The following DLG2 variants were observed in gnomAD, a reference collection of about 807,000 sequenced individuals.
The protein encoded by DLG2 is discs large MAGUK scaffold protein 2.
In DLG2, 45 loss-of-function variants were observed where a neutral mutation model predicts 132.5. The observed-to-expected ratio is 0.34, with a 90% CI of 0.27 to 0.44. DLG2 has a LOEUF of 0.44. DLG2 is among the 20% of genes least tolerant of loss of function. DLG2 has a pLI of 1.00. For synonymous variants in DLG2, 424 were observed against 419.6 expected (o/e 1.01, Z -0.13); for missense variants, 1,045 against 1,196.9 (o/e 0.87, Z 1.87).
intron 6 of DLG2, among the ~76,000 whole-genome samples, chr11:84,671,233 T>C (rs2099705581): frequency 6.6e-6 from 1 of 151,926 alleles, no homozygotes; most frequent in African/African-American, 2.4e-5. Flanking sequence ...TGAGTAGCTG[T>C]GACTATAGGT....
At chr11:84,562,253 C>A (rs962780654) in intron 6 of DLG2, among the ~76,000 whole-genome samples, 3 of 152,068 alleles carry the variant, frequency 2.0e-5, no homozygotes, top group African/African-American at 7.2e-5. Context: ...TACTAACTCC[C>A]AGGATAAAGG....
chr11:85,574,437 AAAATGACTCCTCC>A (rs2078034095), intron 3 of DLG2, among the ~76,000 whole-genome samples: 1 of 152,092 alleles, frequency 6.6e-6, no homozygotes, highest in East Asian at 1.9e-4. Context: ...AAAAAAAAAA[AAAATGACTCCTCC>A]TTGACTCTTC....
intron 6 of DLG2, among the ~76,000 whole-genome samples, chr11:85,038,083 C>A (rs1242207748): frequency 6.6e-6 from 1 of 151,920 alleles, no homozygotes; most frequent in Non-Finnish European, 1.5e-5. Context: ...GTAGAGCCTG[C>A]ATATGAATGA....
chr11:85,295,073 T>A (rs2079134859), intron 3 of DLG2, among the ~76,000 whole-genome samples: 1 of 152,160 alleles, frequency 6.6e-6, no homozygotes, highest in African/African-American at 2.4e-5. Context: ...TATCTTACAC[T>A]TATAGCACTT....
At chr11:85,482,065 C>T (rs2093308377) in intron 3 of DLG2, among the ~76,000 whole-genome samples, 1 of 152,126 alleles carries the variant, frequency 6.6e-6, no homozygotes, top group South Asian at 2.1e-4. Context: ...AATCAGGCTC[C>T]AGACCAACCC....
At position 84,154,620 on chromosome 11, in the gene DLG2, G is replaced by A. The variant is rs952537121; in HGVS notation, c.624+8841C>T. Among the ~76,000 whole-genome samples the A allele has an allele frequency of 1.3e-5, 2 of 152,056 alleles. 1 individual carries two copies. The highest frequency in any genetic ancestry group is 4.8e-5 in the African/African-American group (2 of 41,396). ...ACCAGTAACTCGTCATTTACATTAG[G>A]TATATCTCCTAATGCTATCCCTCCC... On this transcript the variant is annotated intron_variant, in intron 9 of 27. Transcript: ENST00000376104.
intron 7 of DLG2, among the ~76,000 whole-genome samples, chr11:84,369,774 G>C (rs577846106): frequency 1.3e-5 from 2 of 152,024 alleles, no homozygotes; most frequent in Non-Finnish European, 2.9e-5. Flanking sequence ...GGTCAGATAC[G>C]CTAACAGGGA....
chr11:84,826,353 C>T (rs1221080505), intron 6 of DLG2, among the ~76,000 whole-genome samples: 1 of 151,816 alleles, frequency 6.6e-6, no homozygotes, highest in East Asian at 2.0e-4. Context: ...CTTCCACTAA[C>T]TTGCTTAAAT....
At chr11:84,630,957 T>A (rs2099630528) in intron 6 of DLG2, among the ~76,000 whole-genome samples, 1 of 151,176 alleles carries the variant, frequency 6.6e-6, no homozygotes, top group Non-Finnish European at 1.5e-5. Flanking sequence ...ATGAACTTGG[T>A]CTGGGTGATT....
At chr11:85,574,988 T>C (rs190585511) in intron 3 of DLG2, among the ~76,000 whole-genome samples, 1 of 152,044 alleles carries the variant, frequency 6.6e-6, no homozygotes, top group East Asian at 1.9e-4. Flanking sequence ...CCATAACTAT[T>C]TCTCACCTGG....
At chr11:83,994,319 T>C (rs2093900897) in intron 11 of DLG2, among the ~76,000 whole-genome samples, 1 of 152,186 alleles carries the variant, frequency 6.6e-6, no homozygotes, top group Admixed American at 6.5e-5. Context: ...GTTACCACTT[T>C]GAAGGTGGAG....
chr11:84,361,042 C>T (rs113755211), intron 7 of DLG2, among the ~76,000 whole-genome samples: 6 of 151,648 alleles, frequency 4.0e-5, no homozygotes, highest in South Asian at 2.1e-4. Context: ...CCAGTTAACT[C>T]GAAGAAATAG....
At chr11:84,193,858 A>G (rs2096462011) in intron 8 of DLG2, among the ~76,000 whole-genome samples, 1 of 152,158 alleles carries the variant, frequency 6.6e-6, no homozygotes, top group Admixed American at 6.5e-5. Flanking sequence ...TGATCCAATT[A>G]CTCTACCTTT....
chr11:84,262,080 A>C (rs1253519096), intron 7 of DLG2, among the ~76,000 whole-genome samples: 1 of 152,144 alleles, frequency 6.6e-6, no homozygotes, highest in Non-Finnish European at 1.5e-5. Flanking sequence ...CCTATTCCTC[A>C]TTGCAACCCT....
intron 16 of DLG2, among the ~76,000 whole-genome samples, chr11:83,854,381 C>T (rs1012483656): frequency 3.3e-5 from 5 of 151,898 alleles, no homozygotes; most frequent in African/African-American, 1.2e-4. Flanking sequence ...TATGGAGAGG[C>T]AAAAGACCCC....
At chr11:83,550,355 G>A (rs1364554264) in intron 19 of DLG2, among the ~76,000 whole-genome samples, 1 of 152,152 alleles carries the variant, frequency 6.6e-6, no homozygotes, top group Non-Finnish European at 1.5e-5. Context: ...ACCAAGAGAT[G>A]TGGTATGAGC....
At position 84,164,545 on chromosome 11, in the gene DLG2, C is replaced by T. The variant is rs559603353; in HGVS notation, c.574-1034G>A. Among the ~76,000 whole-genome samples the T allele has an allele frequency of 9.9e-5, 15 of 152,240 alleles. No homozygotes were observed. In the South Asian group the frequency reaches 3.1e-3, roughly 32 times the overall value. On this transcript the variant is annotated intron_variant, in intron 8 of 27. Transcript: ENST00000376104. ...TTCTATGCAGGCAAGGCCCAGACAG[C>T]CAGCCCTGTTGCCTAACACAGAGCC...
At chr11:84,373,519 A>T (rs2098717444) in intron 7 of DLG2, among the ~76,000 whole-genome samples, 1 of 151,986 alleles carries the variant, frequency 6.6e-6, no homozygotes, top group Non-Finnish European at 1.5e-5. Flanking sequence ...GCAGTGAGCC[A>T]AGATTGTGCC....
At chr11:85,304,424 C>T (rs1364942496) in intron 3 of DLG2, among the ~76,000 whole-genome samples, 1 of 152,014 alleles carries the variant, frequency 6.6e-6, no homozygotes, top group Non-Finnish European at 1.5e-5. Flanking sequence ...AGAAAATGCA[C>T]AGTAGAGACT....
Sources: gnomAD v4.1 joint callset for allele counts (sites outside exome capture counted in the v4.1 genomes callset) on GRCh38, gnomAD v4.1.1 for gene constraint, MANE v1.5 for transcripts, NCBI Gene and HGNC (gene_info 2026-07-23, HGNC 2026-07-21) for gene names.